The following HECW1 variants were observed in gnomAD, a reference collection of about 807,000 sequenced individuals.
HECW1 encodes the protein HECT, C2 and WW domain containing E3 ubiquitin protein ligase 1.
In HECW1, 61 loss-of-function variants were observed where a neutral mutation model predicts 182.3. The observed-to-expected ratio is 0.33, with a 90% CI of 0.27 to 0.41. The LOEUF is 0.41. HECW1 is among the 10% of genes least tolerant of loss of function. The pLI is 1.00. For synonymous variants in HECW1, 859 were observed against 832.6 expected (o/e 1.03, Z -0.55); for missense variants, 1,739 against 2,108.9 (o/e 0.82, Z 3.44).
At chr7:43,147,746 C>A (rs1788868524) in intron 2 of HECW1, among the ~76,000 whole-genome samples, 1 of 152,058 alleles carries the variant, frequency 6.6e-6, no homozygotes. Context: ...TTGTGTGTAT[C>A]AGGAGAGTTT....
chr7:43,204,680 C>T (rs764040791), intron 2 of HECW1, among the ~76,000 whole-genome samples: 1 of 152,144 alleles, frequency 6.6e-6, no homozygotes, highest in Non-Finnish European at 1.5e-5. Context: ...CTCAGCTCAG[C>T]TCCCCTGAGA....
intron 2 of HECW1, among the ~76,000 whole-genome samples, chr7:43,177,542 T>A (rs948915761): frequency 3.9e-5 from 6 of 152,246 alleles, no homozygotes; most frequent in Non-Finnish European, 8.8e-5. Context: ...TTATTCTCCA[T>A]GTATTGTGGT....
Position 43,133,121 on chromosome 7 carries a change from T to C in HECW1, c.-32+18730T>C, listed in dbSNP as rs564810391. On this transcript the variant is annotated intron_variant, in intron 2 of 29. Transcript: ENST00000395891. ...TGATCAATTACATTAATAAGTTTCC[T>C]AGAATTAAACTATCTTTACAGCCTT... 8.5e-5 allele frequency among the ~76,000 whole-genome samples: 13 copies of C among 152,224 alleles called. No individual in the cohort carries two copies. In the South Asian group the frequency reaches 2.7e-3, roughly 32 times the overall value.
At chr7:43,209,882 G>A (rs187626848) in intron 2 of HECW1, among the ~76,000 whole-genome samples, 7 of 152,262 alleles carry the variant, frequency 4.6e-5, no homozygotes, top group Admixed American at 1.3e-4. Context: ...CGTTCACCCC[G>A]AGGTCATCTG....
At chr7:43,313,224 T>C (rs1279205639) in intron 4 of HECW1, among the ~76,000 whole-genome samples, 1 of 152,190 alleles carries the variant, frequency 6.6e-6, no homozygotes, top group Admixed American at 6.5e-5. Context: ...TGTGACTAGC[T>C]GAACTGGATT....
At chr7:43,521,367 C>CA (rs982476860) in intron 24 of HECW1, among the ~76,000 whole-genome samples, 3 of 152,238 alleles carry the variant, frequency 2.0e-5, no homozygotes, top group Admixed American at 2.0e-4. Context: ...TCCTAGGAGG[C>CA]AAAATCACTC....
At chr7:43,517,927 G>A (rs2080240980) in intron 24 of HECW1, among the ~76,000 whole-genome samples, 1 of 152,206 alleles carries the variant, frequency 6.6e-6, no homozygotes, top group African/African-American at 2.4e-5. Flanking sequence ...TCTTCAGAAT[G>A]TGTGAGAAAC....
intron 5 of HECW1, among the ~76,000 whole-genome samples, chr7:43,357,774 C>CA (rs1246502748): frequency 6.6e-6 from 1 of 151,578 alleles, no homozygotes; most frequent in East Asian, 1.9e-4. Context: ...GTCTCTAGCA[C>CA]AAAAAAAGAC....
At chr7:43,119,924 A>C (rs1785418069) in intron 2 of HECW1, among the ~76,000 whole-genome samples, 1 of 152,180 alleles carries the variant, frequency 6.6e-6, no homozygotes, top group Non-Finnish European at 1.5e-5. Context: ...GCCCATCTGC[A>C]GTCTGTTCCC....
chr7:43,117,043 A>G (rs1234112534), intron 2 of HECW1, among the ~76,000 whole-genome samples: 3 of 152,222 alleles, frequency 2.0e-5, no homozygotes, highest in Admixed American at 6.5e-5. Context: ...TGTTAAAACT[A>G]TTCTTTATAC....
Position 43,432,201 on chromosome 7 carries a change from G to A in HECW1, c.802-5802G>A, listed in dbSNP as rs1414345025. On this transcript the variant is annotated intron_variant, in intron 8 of 29. Transcript: ENST00000395891. The surrounding 1 kb of genome is among the most constrained non-coding windows in gnomAD (Gnocchi z 4.1). ...GTCGCCCGGGCTGGAGTGCAGTGGC[G>A]GGATCTCGGCTCACTGCAAGCTCCG... Among the ~76,000 whole-genome samples the A allele has an allele frequency of 8.1e-5, 12 of 148,334 alleles. No homozygotes were observed. In the East Asian group the frequency reaches 1.2e-3, roughly 15 times the overall value.
chr7:43,450,282 T>C (rs543075318), intron 11 of HECW1, among the ~76,000 whole-genome samples: 2 of 152,140 alleles, frequency 1.3e-5, no homozygotes, highest in East Asian at 3.9e-4. Context: ...ACTACAGGAA[T>C]TTACTTTCTT....
At chr7:43,502,902 G>C (rs1424909495) in intron 21 of HECW1, among the ~76,000 whole-genome samples, 1 of 152,160 alleles carries the variant, frequency 6.6e-6, no homozygotes, top group Non-Finnish European at 1.5e-5. Context: ...GAAGCCAGTG[G>C]TAAAATTCCC....
At chr7:43,353,031 A>G (rs763689768) in intron 5 of HECW1, among the ~76,000 whole-genome samples, 17 of 152,180 alleles carry the variant, frequency 1.1e-4, no homozygotes, top group Non-Finnish European at 2.2e-4. Flanking sequence ...CTCTGAATAC[A>G]TGCCCTTAAA....
intron 19 of HECW1, among the ~76,000 whole-genome samples, chr7:43,498,567 G>A (rs2079203076): frequency 6.6e-6 from 1 of 152,166 alleles, no homozygotes; most frequent in Admixed American, 6.5e-5. Flanking sequence ...TGAGGACATA[G>A]GCAGAGGGAG....
intron 6 of HECW1, among the ~76,000 whole-genome samples, chr7:43,384,109 A>G (rs2074672888): frequency 6.6e-6 from 1 of 152,166 alleles, no homozygotes; most frequent in South Asian, 2.1e-4. Context: ...ATGTTTTCAA[A>G]TATGTGTACT....
chr7:43,300,599 T>C (rs894665939), intron 3 of HECW1, among the ~76,000 whole-genome samples: 43 of 152,206 alleles, frequency 2.8e-4, no homozygotes, highest in African/African-American at 1.0e-3. Flanking sequence ...CTCTTCATCA[T>C]GGCTCTAAGT....
At chr7:43,255,137 A>G (rs1292743502) in intron 3 of HECW1, among the ~76,000 whole-genome samples, 1 of 152,240 alleles carries the variant, frequency 6.6e-6, no homozygotes, top group Non-Finnish European at 1.5e-5. Context: ...AAACTTGACA[A>G]GTGTGCCCAA....
chr7:43,156,264 C>T (rs931124167), intron 2 of HECW1, among the ~76,000 whole-genome samples: 32 of 152,176 alleles, frequency 2.1e-4, no homozygotes, highest in African/African-American at 1.4e-4. Context: ...GCTTCATACT[C>T]GCAGAGTCTC....
Sources: gnomAD v4.1 joint callset for allele counts (sites outside exome capture counted in the v4.1 genomes callset) on GRCh38, gnomAD v4.1.1 for gene constraint, Gnocchi (gnomAD v3.1) non-coding constraint, MANE v1.5 for transcripts, NCBI Gene and HGNC (gene_info 2026-07-23, HGNC 2026-07-21) for gene names.